Variants in CDKL1 observed in about 807,000 individuals in gnomAD.
CDKL1 encodes the protein cyclin-dependent kinase-like 1.
In CDKL1, 41 loss-of-function variants were observed where a neutral mutation model predicts 42.0. That is an observed-to-expected ratio of 0.98 (90% CI 0.76 to 1.27). The LOEUF (loss-of-function observed/expected upper bound fraction) is 1.27. Among genes scored for constraint, CDKL1 ranks in the 50% most tolerant of loss-of-function variants. The pLI is 0.00. For missense variants in CDKL1, 394 were observed against 428.4 expected (o/e 0.92, Z 0.71); for synonymous variants, 153 against 158.6 (o/e 0.96, Z 0.26).
intron 2 of CDKL1, among the ~76,000 whole-genome samples, chr14:50,394,781 G>A (rs2139560983): frequency 7.0e-6 from 1 of 142,350 alleles, no homozygotes; most frequent in African/African-American, 2.6e-5. Context: ...CTTTCAGCTT[G>A]TAATAAATAC....
At chr14:50,377,814 CTGAAAAA>C (rs1396706007) in intron 2 of CDKL1, 2 of 912,232 alleles carry the variant, frequency 2.2e-6, no homozygotes, top group Non-Finnish European at 2.9e-6. Context: ...CTATAAATCA[CTGAAAAA>C]AGAAAAAAGA....
intron 2 of CDKL1, among the ~76,000 whole-genome samples, chr14:50,374,654 CTT>C (rs1268316037): frequency 6.6e-6 from 1 of 152,132 alleles, no homozygotes; most frequent in Non-Finnish European, 1.5e-5. Flanking sequence ...AGTATGAACT[CTT>C]GTTTAGCTTA....
chr14:50,343,174 TG>T, intron 4 of CDKL1: 2 of 477,254 alleles, frequency 4.2e-6, no homozygotes. Flanking sequence ...TTTTTTTTTT[TG>T]AGTTGGGTCA....
intron 8 of CDKL1, chr14:50,333,619 C>G (rs1456260228): frequency 6.6e-6 from 1 of 152,158 alleles, no homozygotes; most frequent in Non-Finnish European, 1.5e-5. Flanking sequence ...AGTAGCCATT[C>G]TTTTATTCCT....
intron 2 of CDKL1, among the ~76,000 whole-genome samples, chr14:50,382,209 G>T (rs1306609098): frequency 2.6e-5 from 4 of 152,128 alleles, no homozygotes; most frequent in Non-Finnish European, 5.9e-5. Context: ...TCCCAGCACT[G>T]TGGGAGGCCG....
chr14:50,388,664 A>G (rs1301352959), intron 2 of CDKL1, among the ~76,000 whole-genome samples: 1 of 152,184 alleles, frequency 6.6e-6, no homozygotes, highest in Non-Finnish European at 1.5e-5. Flanking sequence ...TGTTTGGCCC[A>G]AGAGCCCTCT....
intron 6 of CDKL1, among the ~76,000 whole-genome samples, chr14:50,339,860 C>T (rs750767710): frequency 2.0e-5 from 3 of 152,142 alleles, no homozygotes; most frequent in Non-Finnish European, 2.9e-5. Context: ...AAGGTGTTCT[C>T]CTGGGGCACA....
intron 2 of CDKL1, among the ~76,000 whole-genome samples, chr14:50,393,274 C>T (rs2035310192): frequency 6.6e-6 from 1 of 152,198 alleles, no homozygotes; most frequent in Non-Finnish European, 1.5e-5. Context: ...GGAACCCAGT[C>T]TATAAGGGGT....
At chr14:50,369,443 A>G (rs1253234868) in intron 2 of CDKL1, among the ~76,000 whole-genome samples, 1 of 152,084 alleles carries the variant, frequency 6.6e-6, no homozygotes, top group Non-Finnish European at 1.5e-5. Flanking sequence ...GAAATATTTA[A>G]TATGTCCATG....
chr14:50,345,791 C>G (rs2033705558), intron 3 of CDKL1, among the ~76,000 whole-genome samples: 1 of 152,184 alleles, frequency 6.6e-6, no homozygotes, highest in Non-Finnish European at 1.5e-5. Context: ...TTTCTACTCT[C>G]TCCTCCATCA....
chr14:50,358,084 G>C lies in CDKL1; in HGVS notation c.290+944C>G, dbSNP rs559539799. On this transcript the variant is annotated intron_variant, in intron 3 of 9. Coordinates refer to ENST00000395834, the MANE Select transcript of CDKL1 (RefSeq NM_004196.7). ...CCCCTCCTCCTTTTTTCTTTTTCTT[G>C]GACAAGGCCTCTGTGTGCTCACCAA... The C allele has an allele frequency of 2.4e-5, 32 of 1,358,454 alleles. 1 individual carries two copies. The South Asian group carries it at 3.3e-4, about 14-fold the overall frequency. The allele number at this position is 1,358,454 out of a possible 1,614,324, so 84.2% of individuals were successfully genotyped here.
chr14:50,330,300 A>G, intron 9 of CDKL1, 119 bp from the exon 10 acceptor site: 9 of 1,230,258 alleles, frequency 7.3e-6, no homozygotes, highest in Non-Finnish European at 9.8e-6. Context: ...TTTTTTGCAC[A>G]CAATCCAGGA....
chr14:50,335,295 CAAA>C (rs55777134), intron 7 of CDKL1, among the ~76,000 whole-genome samples: 849 of 54,260 alleles, frequency 0.016, 7 homozygotes, highest in African/African-American at 0.053. Flanking sequence ...GACCCTGTCT[CAAA>C]AAAAAAAAAA....
At chr14:50,362,311 A>T (rs2034286271) in intron 2 of CDKL1, 1 of 345,756 alleles carries the variant, frequency 2.9e-6, no homozygotes, top group African/African-American at 2.3e-5. Context: ...AGGCAGCTCC[A>T]CCTGTGGCCT....
At position 50,379,052 on chromosome 14, in the gene CDKL1, A is replaced by T. The variant is rs557343782; in HGVS notation, c.168+16649T>A. Among the ~76,000 whole-genome samples the T allele has an allele frequency of 6.6e-4, 100 of 152,160 alleles. 1 individual carries two copies. Among genetic ancestry groups the T allele is most frequent in the African/African-American group, 2.3e-3 (97 of 41,524 alleles). ...TTTTTGGTAGAGACAGCATTTCGCC[A>T]TGTTGGCCAGTTTGGTAACAAACTC... is the stretch of plus-strand genomic sequence containing the variant. On this transcript the variant is annotated intron_variant, in intron 2 of 9. Coordinates refer to ENST00000395834, the MANE Select transcript of CDKL1 (RefSeq NM_004196.7).
chr14:50,358,074 TC>T, intron 3 of CDKL1: 1 of 1,361,006 alleles, frequency 7.3e-7, no homozygotes, highest in Non-Finnish European at 9.8e-7. Context: ...CCTCCTTTTT[TC>T]TTTTTCTTGG....
chr14:50,382,324 G>A (rs1186941466), intron 2 of CDKL1, among the ~76,000 whole-genome samples: 2 of 152,094 alleles, frequency 1.3e-5, no homozygotes, highest in African/African-American at 4.8e-5. Context: ...GTGGTAGCGG[G>A]CGCCTGTAGT....
chr14:50,378,781 G>T (rs1254348999), intron 2 of CDKL1, among the ~76,000 whole-genome samples: 1 of 151,808 alleles, frequency 6.6e-6, no homozygotes, highest in East Asian at 1.9e-4. Context: ...AAGCGATTCT[G>T]CCACCTCCGC....
At position 50,328,924 on chromosome 14, in the gene CDKL1, A is replaced by C. The variant is rs1014658841; in HGVS notation, c.*1150T>G. ...GCAGGTTTTATATATATATATAAAAAACACATATATATATATGTGTGTGTG... is the reference window on the plus strand; with the variant it reads ...GCAGGTTTTATATATATATATAAAACACACATATATATATATGTGTGTGTG... On this transcript the variant is annotated 3_prime_UTR_variant, in exon 10 of 10. Transcript: ENST00000395834. The C allele has an allele frequency of 1.0e-5, 1 of 99,128 alleles. No homozygotes were observed. The highest frequency in any genetic ancestry group is 3.8e-5 in the African/African-American group (1 of 26,314). The allele number at this position is 99,128 out of a possible 1,614,324, so 6.1% of individuals were successfully genotyped here.
Sources: gnomAD v4.1 joint callset for allele counts (sites outside exome capture counted in the v4.1 genomes callset) on GRCh38, gnomAD v4.1.1 for gene constraint, MANE v1.5 for transcripts, NCBI Gene and HGNC (gene_info 2026-07-23, HGNC 2026-07-21) for gene names.